URM1: variants seen among roughly 807,000 people sequenced by gnomAD.
URM1 encodes the protein ubiquitin-related modifier 1.
In URM1, 11 loss-of-function variants were observed where a neutral mutation model predicts 17.7. That is an observed-to-expected ratio of 0.62 (90% CI 0.39 to 1.03). The LOEUF is 1.03. URM1 is among the 50% of genes least tolerant of loss of function. The pLI, the probability that URM1 is intolerant of heterozygous loss-of-function variation, is 0.00. For missense variants in URM1, 128 were observed against 129.2 expected, an observed-to-expected ratio of 0.99 and a Z score of 0.04; for synonymous variants, 48 against 50.6, an observed-to-expected ratio of 0.95 and a Z score of 0.22.
At chr9:128,375,347 A>G (rs1301600548) in intron 1 of URM1, among the ~76,000 whole-genome samples, 2 of 152,106 alleles carry the variant, frequency 1.3e-5, no homozygotes, top group Admixed American at 6.6e-5. Context: ...AAACCCCTAG[A>G]TGCACAGGGT....
At chr9:128,373,188 A>T (rs957798742) in intron 1 of URM1, among the ~76,000 whole-genome samples, 1 of 21,040 alleles carries the variant, frequency 4.8e-5, no homozygotes, top group African/African-American at 1.7e-4. Flanking sequence ...CCACCCACCC[A>T]CCCACCCACC....
At position 128,389,923 on chromosome 9, in the gene URM1, C is replaced by T. The variant is rs1029714669; in HGVS notation, c.*189C>T. On this transcript the variant is annotated 3_prime_UTR_variant, in exon 5 of 5. Coordinates refer to ENST00000372853, the MANE Select transcript of URM1 (RefSeq NM_030914.4). ...GAGCCTTTCTCAAGCACGTGAGCAG[C>T]GGAAGGCAGACAGGCGCCAGAGCCC... 2.2e-5 allele frequency: 16 copies of T among 728,836 alleles called. No individual in the cohort carries two copies. The highest frequency in any genetic ancestry group is 3.9e-4 in the Middle Eastern group (1 of 2,562). 45.1% of individuals were successfully genotyped at this position (728,836 alleles called of 1,614,324 possible). A position where few individuals can be genotyped will look rare whatever the true frequency, so the allele number is the denominator to read the frequency against.
intron 3 of URM1, chr9:128,388,714 G>T: frequency 1.0e-6 from 1 of 986,802 alleles, no homozygotes; most frequent in African/African-American, 1.7e-5. Flanking sequence ...CTTATGCCAG[G>T]CAGGACTGCA....
At chr9:128,376,206 A>C (rs1304315849) in intron 1 of URM1, among the ~76,000 whole-genome samples, 1 of 152,060 alleles carries the variant, frequency 6.6e-6, no homozygotes, top group Non-Finnish European at 1.5e-5. Flanking sequence ...CAAAAAATAA[A>C]AATAAAATTA....
intron 1 of URM1, among the ~76,000 whole-genome samples, chr9:128,376,163 C>G (rs1000842238): frequency 6.6e-6 from 1 of 151,828 alleles, no homozygotes; most frequent in African/African-American, 2.4e-5. Context: ...AGGTCAAGAC[C>G]AGCCTGGACG....
intron 2 of URM1, among the ~76,000 whole-genome samples, chr9:128,382,357 C>A (rs1355230919): frequency 6.6e-6 from 1 of 152,098 alleles, no homozygotes; most frequent in Non-Finnish European, 1.5e-5. Context: ...CCTGGTGCTG[C>A]TAGGAGAGTC....
At chr9:128,378,308 G>A (rs1833106853) in intron 2 of URM1, among the ~76,000 whole-genome samples, 1 of 151,752 alleles carries the variant, frequency 6.6e-6, no homozygotes, top group Admixed American at 6.6e-5. Context: ...GGAGGCCAAG[G>A]TGGGTGGATC....
At position 128,384,343 on chromosome 9, in the gene URM1, G is replaced by A. The variant is rs111949850; in HGVS notation, c.107-3473G>A. The stretch of plus-strand genomic sequence containing the variant: ...CTGTGTGCCCGGGGGCAGCCTGGCC[G>A]CCAGCACCTACAGACTCAGAGTGTC... On this transcript the variant is annotated intron_variant, in intron 2 of 4. Transcript: ENST00000372853. 7.7e-4 allele frequency among the ~76,000 whole-genome samples: 117 copies of A among 152,270 alleles called. 3 individuals are homozygous for A. Among genetic ancestry groups the A allele is most frequent in the African/African-American group, 2.5e-3 (104 of 41,554 alleles).
At chr9:128,385,782 C>T (rs902811235) in intron 2 of URM1, among the ~76,000 whole-genome samples, 2 of 152,118 alleles carry the variant, frequency 1.3e-5, no homozygotes, top group East Asian at 3.9e-4. Context: ...CCCCTCTCCC[C>T]ACCCCCAAAT....
intron 2 of URM1, among the ~76,000 whole-genome samples, chr9:128,386,870 G>A (rs1833235594): frequency 6.6e-6 from 1 of 152,228 alleles, no homozygotes; most frequent in Admixed American, 6.5e-5. Context: ...TCCCAGAGGC[G>A]AGTTGTCTCC....
intron 3 of URM1, chr9:128,388,239 G>T: frequency 8.8e-7 from 1 of 1,138,292 alleles, no homozygotes; most frequent in Non-Finnish European, 1.1e-6. Context: ...AACGTAGCTA[G>T]TACAACTGAA....
At chr9:128,388,773 A>C in intron 3 of URM1, 2 of 987,532 alleles carry the variant, frequency 2.0e-6, no homozygotes, top group Non-Finnish European at 2.4e-6. Flanking sequence ...GAGGCAAAAC[A>C]GCCTTCTCTC....
intron 3 of URM1, chr9:128,388,839 G>A (rs948814651): frequency 4.3e-5 from 43 of 996,668 alleles, no homozygotes; most frequent in Middle Eastern, 5.1e-4. Context: ...CAGGGCTAAC[G>A]AGAATAAGAT....
intron 1 of URM1, among the ~76,000 whole-genome samples, chr9:128,372,261 G>A (rs1028745886): frequency 2.0e-5 from 3 of 151,874 alleles, no homozygotes; most frequent in Non-Finnish European, 4.4e-5. Flanking sequence ...AGAGGAAATA[G>A]GTAGGGATGT....
intron 2 of URM1, among the ~76,000 whole-genome samples, chr9:128,380,574 A>G (rs1222864758): frequency 2.0e-5 from 3 of 150,182 alleles, no homozygotes; most frequent in Non-Finnish European, 4.4e-5. Flanking sequence ...ATCACAAGTT[A>G]TTATTTATTT....
upstream of URM1, chr9:128,371,372 T>C: frequency 1.2e-6 from 2 of 1,613,118 alleles, no homozygotes; most frequent in South Asian, 2.2e-5. Flanking sequence ...CGAGCTCGGC[T>C]TCCTCAACAT....
intron 2 of URM1, among the ~76,000 whole-genome samples, chr9:128,382,691 C>T (rs151335626): frequency 1.1e-3 from 162 of 152,250 alleles, no homozygotes; most frequent in African/African-American, 3.6e-3. Flanking sequence ...AGGTTGGGCT[C>T]GCTCTGTATG....
chr9:128,379,024 A>G (rs1419760987), intron 2 of URM1, among the ~76,000 whole-genome samples: 1 of 150,396 alleles, frequency 6.6e-6, no homozygotes, highest in Non-Finnish European at 1.5e-5. Context: ...GGGGCTGGGG[A>G]CCGGATATGG....
At chr9:128,389,127 A>C (rs561868090) in intron 3 of URM1, 134 bp from the exon 4 acceptor site, 2 of 1,465,514 alleles carry the variant, frequency 1.4e-6, no homozygotes, top group South Asian at 1.5e-5. Context: ...CCTTCCTGGG[A>C]TATCTTTAGC....
Sources: gnomAD v4.1 joint callset for allele counts (sites outside exome capture counted in the v4.1 genomes callset) on GRCh38, gnomAD v4.1.1 for gene constraint, MANE v1.5 for transcripts, NCBI Gene and HGNC (gene_info 2026-07-23, HGNC 2026-07-21) for gene names.